Variants in LRRC37A2 observed in about 807,000 individuals in gnomAD.
LRRC37A2 encodes the protein leucine-rich repeat-containing protein 37A2.
LRRC37A2 carries 9 observed loss-of-function variants against 68.8 expected under a neutral mutation model. The observed-to-expected ratio is 0.13, with a 90% CI of 0.08 to 0.23. LRRC37A2 has a LOEUF of 0.23. Ranked by LOEUF, LRRC37A2 falls within the 10% of genes least tolerant of loss-of-function variation. The pLI, the probability that LRRC37A2 is intolerant of heterozygous loss-of-function variation, is 1.00. For synonymous variants in LRRC37A2, 63 were observed against 367.6 expected (o/e 0.17, Z 9.48); for missense variants, 168 against 950.4 (o/e 0.18, Z 10.82).
chr17:47,032,952 T>A, the LRRC37A2 span, among the ~76,000 whole-genome samples: 1 of 152,146 alleles, frequency 6.6e-6, no homozygotes, highest in Non-Finnish European at 1.5e-5. Flanking sequence ...GCATGGTGGC[T>A]CATGCTGTAA....
the LRRC37A2 span, among the ~76,000 whole-genome samples, chr17:46,891,679 G>A: frequency 1.3e-5 from 2 of 152,150 alleles, no homozygotes; most frequent in Non-Finnish European, 2.9e-5. Flanking sequence ...CGTTCCACAT[G>A]ACCTGACAGC....
the LRRC37A2 span, among the ~76,000 whole-genome samples, chr17:46,496,607 GAA>G: frequency 1.4e-4 from 6 of 44,290 alleles, no homozygotes; most frequent in South Asian, 8.2e-4. Context: ...CATCTCAAAA[GAA>G]AAAAAAAAAA....
At chr17:46,726,724 T>C in the LRRC37A2 span, 1 of 958,368 alleles carries the variant, frequency 1.0e-6, no homozygotes, top group Non-Finnish European at 1.7e-6. Flanking sequence ...GCAATAGAAA[T>C]ACCTTTCTTT....
chr17:46,960,529 T>C, the LRRC37A2 span, among the ~76,000 whole-genome samples: 1 of 149,710 alleles, frequency 6.7e-6, no homozygotes, highest in East Asian at 1.9e-4. Context: ...AGGAAAACTT[T>C]TGTTCACACA....
the LRRC37A2 span, among the ~76,000 whole-genome samples, chr17:46,997,899 G>C: frequency 1.3e-5 from 2 of 151,770 alleles, no homozygotes; most frequent in African/African-American, 2.4e-5. Flanking sequence ...GAACCCAGGA[G>C]GCAGAGGTTG....
the LRRC37A2 span, among the ~76,000 whole-genome samples, chr17:47,025,234 A>G: frequency 4.6e-5 from 7 of 152,236 alleles, no homozygotes; most frequent in Non-Finnish European, 1.0e-4. Context: ...TTCACAAAAA[A>G]AATTTCAAAA....
chr17:46,993,621 T>C, the LRRC37A2 span, among the ~76,000 whole-genome samples: 8 of 152,232 alleles, frequency 5.3e-5, no homozygotes, highest in African/African-American at 1.9e-4. Flanking sequence ...TCTCTGTTGC[T>C]CTTGGAATTT....
chr17:46,965,797 A>ATT, the LRRC37A2 span, among the ~76,000 whole-genome samples: 33 of 137,680 alleles, frequency 2.4e-4, no homozygotes, highest in South Asian at 9.4e-4. Context: ...TAATTTTTGT[A>ATT]TTTTTTTTTT....
At chr17:46,788,820 T>A in the LRRC37A2 span, among the ~76,000 whole-genome samples, 5 of 152,060 alleles carry the variant, frequency 3.3e-5, no homozygotes, top group Admixed American at 2.6e-4. Context: ...CTTTCCTTCG[T>A]CTCTCCCAGA....
At chr17:46,732,351 T>TCCCCCCCCC in the LRRC37A2 span, among the ~76,000 whole-genome samples, 1 of 124,688 alleles carries the variant, frequency 8.0e-6, no homozygotes, top group African/African-American at 3.1e-5. Context: ...CTTCCACCCC[T>TCCCCCCCCC]CCCCCACCAC....
the LRRC37A2 span, among the ~76,000 whole-genome samples, chr17:46,835,433 G>C: frequency 6.6e-6 from 1 of 151,912 alleles, no homozygotes; most frequent in African/African-American, 2.4e-5. Context: ...GGATGGTATC[G>C]ATCTCCTGAC....
At chr17:46,551,173 C>T (rs2056770193) in intron 11 of LRRC37A2, among the ~76,000 whole-genome samples, 1 of 149,308 alleles carries the variant, frequency 6.7e-6, no homozygotes, top group African/African-American at 2.6e-5. Context: ...CATTCCCCCT[C>T]AGATTAGAGA....
chr17:46,610,023 TTCTTTCTC>T, the LRRC37A2 span, among the ~76,000 whole-genome samples: 1 of 81,266 alleles, frequency 1.2e-5, no homozygotes, highest in Non-Finnish European at 2.9e-5. Flanking sequence ...CTTTCTTTCT[TTCTTTCTC>T]TCTCTCTCTC....
chr17:46,728,400 C>T, the LRRC37A2 span, among the ~76,000 whole-genome samples: 198 of 150,932 alleles, frequency 1.3e-3, no homozygotes, highest in African/African-American at 4.6e-3. Flanking sequence ...TTTTTTTTTC[C>T]TTCCAAAATA....
the LRRC37A2 span, chr17:46,875,276 C>G: frequency 6.2e-7 from 1 of 1,614,224 alleles, no homozygotes; most frequent in Non-Finnish European, 8.5e-7. Context: ...AGTACAGCAC[C>G]AAGTTTCTGA....
the LRRC37A2 span, among the ~76,000 whole-genome samples, chr17:46,684,966 G>A: frequency 1.0e-5 from 1 of 97,906 alleles, no homozygotes; most frequent in African/African-American, 4.1e-5. Flanking sequence ...AATGGCAATT[G>A]TAAGATAGAA....
At chr17:46,755,699 TA>T in the LRRC37A2 span, 1 of 1,281,100 alleles carries the variant, frequency 7.8e-7, no homozygotes, top group Middle Eastern at 2.0e-4. Context: ...AAATGTAGGA[TA>T]ACCATTAAGA....
chr17:46,768,669 C>G, the LRRC37A2 span: 1 of 1,614,180 alleles, frequency 6.2e-7, no homozygotes, highest in Non-Finnish European at 8.5e-7. This position sits in a 1 kb window ranked among gnomAD's most constrained non-coding sequence, Gnocchi z 5.0. Flanking sequence ...CTCCGAGGCG[C>G]TGTCATACTT....
chr17:46,575,031 G>A, the LRRC37A2 span, among the ~76,000 whole-genome samples: 74 of 78,974 alleles, frequency 9.4e-4, 1 homozygote, highest in Middle Eastern at 8.1e-3. Flanking sequence ...AGGAGGCGGA[G>A]GTTGTAGTGA....
Sources: gnomAD v4.1 joint callset for allele counts (sites outside exome capture counted in the v4.1 genomes callset) on GRCh38, gnomAD v4.1.1 for gene constraint, Gnocchi (gnomAD v3.1) non-coding constraint, MANE v1.5 for transcripts, NCBI Gene and HGNC (gene_info 2026-07-23, HGNC 2026-07-21) for gene names.